The following CTNNA1 variants were observed in gnomAD, a reference collection of about 807,000 sequenced individuals.
CTNNA1 encodes the protein catenin alpha-1.
Under a neutral mutation model 98.4 loss-of-function variants are expected in CTNNA1, and 37 were observed. The ratio of observed to expected loss-of-function variants is 0.38; its 90% CI spans 0.29 to 0.49. CTNNA1 has a LOEUF of 0.49. Ranked by LOEUF, CTNNA1 falls within the 20% of genes least tolerant of loss-of-function variation. The probability of loss-of-function intolerance (pLI) is 0.95; values close to 1 mark genes in which losing one functional copy is unlikely to be tolerated. For missense variants in CTNNA1, 761 were observed against 1,147.2 expected, an observed-to-expected ratio of 0.66 and a Z score of 4.86; for synonymous variants, 404 against 413.2, an observed-to-expected ratio of 0.98 and a Z score of 0.27.
intron 9 of CTNNA1, among the ~76,000 whole-genome samples, chr5:138,893,443 T>C (rs1436179171): frequency 1.3e-5 from 2 of 152,118 alleles, no homozygotes; most frequent in East Asian, 1.9e-4. Context: ...TATAACCTTA[T>C]ATTCCATCTC....
Position 138,792,845 on chromosome 5 carries a change from T to C in CTNNA1, c.301+9473T>C, listed in dbSNP as rs28363387. On this transcript the variant is annotated intron_variant, in intron 3 of 17. Transcript: ENST00000302763. ...GATTAAAGTTAAGTTAATTAGCTTT[T>C]CAGATTAGTACAATAACTTTATTAA... 2.4e-3 allele frequency among the ~76,000 whole-genome samples: 362 copies of C among 152,358 alleles called. 1 individual carries two copies. Among genetic ancestry groups the C allele is most frequent in the African/African-American group, 8.3e-3 (347 of 41,584 alleles).
chr5:138,919,251 AC>A (rs1762426978), intron 11 of CTNNA1, among the ~76,000 whole-genome samples: 1 of 152,168 alleles, frequency 6.6e-6, no homozygotes, highest in Admixed American at 6.5e-5. Flanking sequence ...TTAGAGAAAA[AC>A]ATTCCACCTT....
intron 7 of CTNNA1, among the ~76,000 whole-genome samples, chr5:138,833,930 T>C (rs1392199621): frequency 6.6e-6 from 1 of 152,212 alleles, no homozygotes; most frequent in East Asian, 1.9e-4. Context: ...GGACATACTT[T>C]GGTTGGACTG....
chr5:138,787,603 T>G (rs1397094859), intron 3 of CTNNA1, among the ~76,000 whole-genome samples: 1 of 152,212 alleles, frequency 6.6e-6, no homozygotes, highest in Non-Finnish European at 1.5e-5. Context: ...GTTAAAGATA[T>G]GAGCTTACTG....
chr5:138,799,890 A>ATGTATGTG (rs1320107213), intron 3 of CTNNA1, among the ~76,000 whole-genome samples: 85 of 138,778 alleles, frequency 6.1e-4, no homozygotes, highest in East Asian at 3.2e-3. Flanking sequence ...GTATGTATGT[A>ATGTATGTG]TGTGTGTGTG....
chr5:138,861,754 A>G (rs974536761), intron 7 of CTNNA1, among the ~76,000 whole-genome samples: 4 of 152,238 alleles, frequency 2.6e-5, no homozygotes, highest in African/African-American at 4.8e-5. Context: ...AATAAATGCT[A>G]TTTTATACTT....
At chr5:138,922,474 A>G (rs943346982) in intron 11 of CTNNA1, among the ~76,000 whole-genome samples, 11 of 152,214 alleles carry the variant, frequency 7.2e-5, no homozygotes, top group Admixed American at 7.2e-4. Flanking sequence ...ATATTCATTT[A>G]CATATAGTTG....
At chr5:138,795,406 C>T (rs1458901560) in intron 3 of CTNNA1, among the ~76,000 whole-genome samples, 2 of 151,104 alleles carry the variant, frequency 1.3e-5, no homozygotes, top group African/African-American at 4.9e-5. Flanking sequence ...TGCAGTGAGC[C>T]GAGATTGTGC....
At chr5:138,852,166 A>G (rs752066699) in intron 7 of CTNNA1, among the ~76,000 whole-genome samples, 6 of 152,226 alleles carry the variant, frequency 3.9e-5, no homozygotes, top group African/African-American at 7.2e-5. Flanking sequence ...GGAGGTCTCT[A>G]ATGGGCCTGG....
intron 1 of CTNNA1, among the ~76,000 whole-genome samples, chr5:138,764,133 T>C (rs1752649161): frequency 6.6e-6 from 1 of 152,106 alleles, no homozygotes; most frequent in Non-Finnish European, 1.5e-5. Flanking sequence ...TGCAGTGAGC[T>C]GAGATTGTGC....
chr5:138,916,325 A>G (rs1471573791), intron 10 of CTNNA1, among the ~76,000 whole-genome samples: 3 of 152,106 alleles, frequency 2.0e-5, no homozygotes, highest in African/African-American at 7.2e-5. Flanking sequence ...TAAAAAACCA[A>G]TGACATTGTG....
chr5:138,830,318 C>T (rs1761151985), intron 7 of CTNNA1, among the ~76,000 whole-genome samples: 1 of 152,224 alleles, frequency 6.6e-6, no homozygotes. Flanking sequence ...GCCAAGATCG[C>T]ACCACTGCAC....
In CTNNA1 at chr5:138,824,597, C is replaced by T. The variant is rs369265386; in HGVS notation, c.656C>T (p.Pro219Leu). 13 of 1,614,046 alleles carry T rather than the reference C, an allele frequency of 8.1e-6. No homozygotes were observed. The highest frequency in any genetic ancestry group is 6.7e-5 in the East Asian group (3 of 44,900). The change falls in exon 6 of 18, where the codon CCG (proline) becomes CTG (leucine). Residue 219 changes from proline to leucine, a missense_variant. Physicochemically the swap from Pro to Leu is moderately conservative, Grantham distance 98 (BLOSUM62 -3). Coordinates refer to ENST00000302763, the MANE Select transcript of CTNNA1 (RefSeq NM_001903.5). ...AARGILQKNV[P>L]ILYTASQACL... ...AGAGGAATCCTGCAGAAGAACGTTC[C>T]GATCCTCTATACTGCATCCCAGGCA...
chr5:138,933,608 C>T lies in CTNNA1; in HGVS notation c.2434-194C>T, dbSNP rs557979314. On this transcript the variant is annotated intron_variant, in intron 17 of 17. Transcript: ENST00000302763. The stretch of plus-strand genomic sequence containing the variant: ...CTTCTCCAAAGGGTCTGAGGGCAGG[C>T]GCTTCCAGGCTATTTAGATAAGAGC... 7.1e-4 allele frequency among the ~76,000 whole-genome samples: 108 copies of T among 152,272 alleles called. 1 individual carries two copies. Among genetic ancestry groups the T allele is most frequent in the African/African-American group, 2.5e-3 (103 of 41,562 alleles).
chr5:138,825,776 G>C (rs751902840), intron 6 of CTNNA1, among the ~76,000 whole-genome samples: 5 of 152,074 alleles, frequency 3.3e-5, no homozygotes, highest in Non-Finnish European at 7.3e-5. Flanking sequence ...GCAGTGTTAA[G>C]TCTAAAGACC....
In CTNNA1 at chr5:138,758,066, G is replaced by A. The variant is rs537328109; in HGVS notation, c.-3+4556G>A. Among the ~76,000 whole-genome samples, 5 of 152,140 alleles carry A rather than the reference G, an allele frequency of 3.3e-5. No homozygotes were observed. The East Asian group carries it at 5.8e-4, about 18-fold the overall frequency. On this transcript the variant is annotated intron_variant, in intron 1 of 17. Transcript: ENST00000302763. ...TTGTTGCCCAGGCTGGAGTGCAATG[G>A]CGTGATGTCGGCTCACTGCAACCTC...
At chr5:138,926,060 T>C (rs552739426) in intron 13 of CTNNA1, among the ~76,000 whole-genome samples, 114 of 152,318 alleles carry the variant, frequency 7.5e-4, no homozygotes, top group Middle Eastern at 3.4e-3. Flanking sequence ...CTTGATGTCT[T>C]GTCCTCCTCC....
intron 7 of CTNNA1, chr5:138,871,576 C>T (rs1750626455): frequency 6.6e-6 from 1 of 152,212 alleles, no homozygotes. Flanking sequence ...CAGGTCCTTT[C>T]CCTGTTTGGT....
chr5:138,767,710 A>G (rs139764424), intron 1 of CTNNA1, among the ~76,000 whole-genome samples: 139 of 152,240 alleles, frequency 9.1e-4, no homozygotes, highest in African/African-American at 3.2e-3. Context: ...ACATTTTTCA[A>G]ATTTTCTCAA....
Sources: allele counts gnomAD v4.1 joint callset (sites outside exome capture counted in the v4.1 genomes callset), GRCh38; gene constraint gnomAD v4.1.1; transcripts MANE v1.5; gene names NCBI Gene and HGNC (gene_info 2026-07-23, HGNC 2026-07-21).